The following RPS18 variants were observed in gnomAD, a reference collection of about 807,000 sequenced individuals.
The protein encoded by RPS18 is small ribosomal subunit protein uS13.
For missense variants in RPS18, 49 were observed against 200.8 expected, an observed-to-expected ratio of 0.24 and a Z score of 4.57; for synonymous variants, 64 against 70.9, an observed-to-expected ratio of 0.90 and a Z score of 0.49.
chr6:33,275,918 G>A, intron 3 of RPS18, 35 bp downstream of exon 3: 1 of 1,607,290 alleles, frequency 6.2e-7, no homozygotes, highest in Non-Finnish European at 8.5e-7. Flanking sequence ...GGTGGGGTCA[G>A]CCTCAGAAAG....
chr6:33,273,930 ATC>A (rs1765460668), intron 2 of RPS18, among the ~76,000 whole-genome samples: 2 of 152,020 alleles, frequency 1.3e-5, no homozygotes, highest in East Asian at 3.9e-4. Context: ...TCTCTTCTGA[ATC>A]AACCTAATAA....
At chr6:33,276,104 G>GGA in intron 4 of RPS18, 38 bp downstream of exon 4, 2 of 1,605,396 alleles carry the variant, frequency 1.2e-6, no homozygotes, top group Non-Finnish European at 1.7e-6. Context: ...GAGGAAGGGT[G>GGA]GAGGGTCCTA....
intron 2 of RPS18, among the ~76,000 whole-genome samples, chr6:33,274,018 T>C (rs1332093931): frequency 6.6e-6 from 1 of 152,194 alleles, no homozygotes; most frequent in Non-Finnish European, 1.5e-5. Flanking sequence ...AGTGCAATGG[T>C]GCAATCTTAT....
chr6:33,272,302 G>T, intron 1 of RPS18, 180 bp downstream of exon 1: 1 of 713,928 alleles, frequency 1.4e-6, no homozygotes, highest in East Asian at 2.7e-5. Flanking sequence ...GCCCGAGGAA[G>T]GGTCACTGCT....
intron 2 of RPS18, 108 bp downstream of exon 2, chr6:33,272,834 C>A: frequency 1.4e-6 from 1 of 735,396 alleles, no homozygotes; most frequent in East Asian, 2.5e-5. Flanking sequence ...TCCAGATCAC[C>A]TTGACTGCTG....
intron 1 of RPS18, 183 bp from the exon 2 acceptor site, chr6:33,272,445 T>C: frequency 1.6e-6 from 1 of 635,630 alleles, no homozygotes; most frequent in South Asian, 1.8e-5. Context: ...GAACGCTTCA[T>C]GTGCCTACTC....
chr6:33,275,773 TC>T, intron 2 of RPS18, 23 bp from the exon 3 acceptor site: 1 of 1,509,980 alleles, frequency 6.6e-7, no homozygotes, highest in Non-Finnish European at 9.2e-7. Context: ...CAACACTAAT[TC>T]CGAAACCCCT....
intron 1 of RPS18, chr6:33,272,333 A>G: frequency 4.7e-6 from 3 of 632,884 alleles, no homozygotes; most frequent in Middle Eastern, 2.7e-4. Context: ...AAAGCTGTCT[A>G]AGGCTTGGGC....
Position 33,275,821 on chromosome 6 carries a change from G to C in RPS18, c.127G>C (p.Val43Leu), listed in dbSNP as rs770718607. 3.1e-6 allele frequency: 5 copies of C among 1,612,538 alleles called. No homozygotes were observed. Among genetic ancestry groups the C allele is most frequent in the Non-Finnish European group, 4.2e-6 (5 of 1,179,202 alleles). ...GGGTGTGGGCCGAAGATATGCTCAT[G>C]TGGTGTTGAGGAAAGCAGACATTGA... is the stretch of plus-strand genomic sequence containing the variant. Reference protein sequence around the residue: ...IKGVGRRYAHVVLRKADIDLT... With the variant: ...IKGVGRRYAHLVLRKADIDLT... Residue 43 changes from valine (V) to leucine (L), a missense_variant, in exon 3 of 6, where the codon GTG becomes CTG. Transcript: ENST00000439602.
chr6:33,275,872 A>G lies in RPS18; in HGVS notation c.178A>G (p.Thr60Ala), dbSNP rs1405646945. The G allele has an allele frequency of 4.3e-6, 7 of 1,612,472 alleles. No individual in the cohort carries two copies. In the South Asian group the frequency reaches 4.4e-5, roughly 10 times the overall value. The part of the protein sequence containing the change: ...IDLTKRAGEL[T>A]EDEVERVITI... ...CCTCACCAAGAGGGCGGGAGAACTCACTGAGGATGAGGTGAGGACAAGGAA... is the reference window on the plus strand; with the variant it reads ...CCTCACCAAGAGGGCGGGAGAACTCGCTGAGGATGAGGTGAGGACAAGGAA... The change falls in exon 3 of 6, where the codon ACT (threonine) becomes GCT (alanine). Residue 60 changes from threonine to alanine, a missense_variant. Coordinates refer to ENST00000439602, the MANE Select transcript of RPS18 (RefSeq NM_022551.3).
chr6:33,275,927 A>G, intron 3 of RPS18, 38 bp from the exon 4 acceptor site: 2 of 1,606,660 alleles, frequency 1.2e-6, no homozygotes, highest in East Asian at 2.2e-5. Context: ...AGCCTCAGAA[A>G]GGGGTCCATC....
At position 33,272,237 on chromosome 6, in the gene RPS18, C is replaced by CCAA. The variant is rs1765246825; in HGVS notation, c.3+116_3+117insAAC. ...AGGGCCTGCGACTTTCTGTATGGAGCCTTGGATCGCGTCCCTGGAAAGGGA... is the reference window on the plus strand; with the variant it reads ...AGGGCCTGCGACTTTCTGTATGGAGCCAACTTGGATCGCGTCCCTGGAAAGGGA... On this transcript the variant is annotated intron_variant, in intron 1 of 5. Coordinates refer to ENST00000439602, the MANE Select transcript of RPS18 (RefSeq NM_022551.3). 11 of 1,170,494 alleles carry CCAA rather than the reference C, an allele frequency of 9.4e-6. No individual in the cohort carries two copies. The South Asian group carries it at 1.5e-4, about 16-fold the overall frequency. The allele number at this position is 1,170,494 out of a possible 1,614,324, so 72.5% of individuals were successfully genotyped here.
At chr6:33,272,501 G>C (rs758227971) in intron 1 of RPS18, 127 bp from the exon 2 acceptor site, 7 of 729,698 alleles carry the variant, frequency 9.6e-6, no homozygotes, top group Admixed American at 8.9e-5. Context: ...CCTAAGGAAT[G>C]GGGGGCGGGT....
At chr6:33,275,737 C>G (rs1765585536) in intron 2 of RPS18, 60 bp from the exon 3 acceptor site, 1 of 1,080,660 alleles carries the variant, frequency 9.3e-7, no homozygotes, top group Non-Finnish European at 1.4e-6. Flanking sequence ...TTGAATGAGG[C>G]TATAAAGGAA....
Position 33,272,075 on chromosome 6 carries a change from C to A in RPS18, c.-45C>A. The A allele has an allele frequency of 6.4e-7, 1 of 1,559,406 alleles. No homozygotes were observed. The highest frequency in any genetic ancestry group is 8.7e-7 in the Non-Finnish European group (1 of 1,151,188). ...ATAATGATATCGCGTCACTTCCGCTCTCTCTTCCACAGGAGGCCTACACGC... is the reference window on the plus strand; with the variant it reads ...ATAATGATATCGCGTCACTTCCGCTATCTCTTCCACAGGAGGCCTACACGC... On this transcript the variant is annotated 5_prime_UTR_variant, in exon 1 of 6. Coordinates refer to ENST00000439602, the MANE Select transcript of RPS18 (RefSeq NM_022551.3).
chr6:33,272,831 C>T (rs866467290), intron 2 of RPS18, 105 bp downstream of exon 2: 2 of 740,310 alleles, frequency 2.7e-6, no homozygotes, highest in Middle Eastern at 2.3e-4. Flanking sequence ...TCATCCAGAT[C>T]ACCTTGACTG....
At chr6:33,273,055 C>T (rs2150875099) in intron 2 of RPS18, among the ~76,000 whole-genome samples, 1 of 152,278 alleles carries the variant, frequency 6.6e-6, no homozygotes, top group Admixed American at 6.5e-5. Context: ...GTTTCTTTAC[C>T]CATCCCACCA....
At chr6:33,275,710 C>T in intron 2 of RPS18, 87 bp from the exon 3 acceptor site, 14 of 892,366 alleles carry the variant, frequency 1.6e-5, no homozygotes, top group South Asian at 1.3e-4. Context: ...ATTGCAGATC[C>T]TACCTTTGTG....
rs553481159 is a variant in RPS18, at chr6:33,272,102, G to A, written c.-18G>A. On this transcript the variant is annotated 5_prime_UTR_variant, in exon 1 of 6. Transcript: ENST00000439602. ...CTCTTCCACAGGAGGCCTACACGCC[G>A]CCGCTTGTGCTGCAGCCATGGTAAG... 13 of 1,566,674 alleles carry A rather than the reference G, an allele frequency of 8.3e-6. No homozygotes were observed. In the East Asian group the frequency reaches 1.2e-4, roughly 14 times the overall value.
Sources: allele counts gnomAD v4.1 joint callset (sites outside exome capture counted in the v4.1 genomes callset), GRCh38; gene constraint gnomAD v4.1.1; transcripts MANE v1.5; gene names NCBI Gene and HGNC (gene_info 2026-07-23, HGNC 2026-07-21).